Variants in CTNNBL1 observed in about 807,000 individuals in gnomAD.
The protein encoded by CTNNBL1 is beta-catenin-like protein 1.
Under a neutral mutation model 72.7 loss-of-function variants are expected in CTNNBL1, and 31 were observed. The observed-to-expected ratio is 0.43, with a 90% CI of 0.32 to 0.58. The LOEUF is 0.58. Among genes scored for constraint, CTNNBL1 ranks in the 20% least tolerant of loss-of-function variants. The pLI is 0.08. For missense variants in CTNNBL1, 534 were observed against 725.1 expected (o/e 0.74, Z 3.03); for synonymous variants, 240 against 267.3 (o/e 0.90, Z 1.00).
intron 10 of CTNNBL1, among the ~76,000 whole-genome samples, chr20:37,793,562 G>A (rs1011454397): frequency 6.6e-6 from 1 of 152,144 alleles, no homozygotes; most frequent in African/African-American, 2.4e-5. Context: ...CTTTAAGAAG[G>A]TAATTAAGGT....
At chr20:37,850,352 C>G (rs898228051) in intron 13 of CTNNBL1, among the ~76,000 whole-genome samples, 1 of 152,168 alleles carries the variant, frequency 6.6e-6, no homozygotes, top group Non-Finnish European at 1.5e-5. Flanking sequence ...CTCTGCCACA[C>G]GTGATCTTTG....
rs1031500581 is a variant in CTNNBL1 at position 37,867,717 on chromosome 20, GCA to G, written c.1604-4199_1604-4198del. On this transcript the variant is annotated intron_variant, in intron 15 of 15. Transcript: ENST00000361383. ...CATACACATGCACACACGCACACAC[GCA>G]CACACACATGCAGCAGAGAGAACTC... Among the ~76,000 whole-genome samples, 76 of 151,480 alleles carry G rather than the reference GCA, an allele frequency of 5.0e-4. 1 individual carries two copies. Among genetic ancestry groups the G allele is most frequent in the African/African-American group, 1.6e-3 (66 of 41,170 alleles).
intron 15 of CTNNBL1, among the ~76,000 whole-genome samples, chr20:37,862,191 C>T (rs1180623019): frequency 3.3e-5 from 5 of 152,230 alleles, no homozygotes; most frequent in South Asian, 2.1e-4. Context: ...GTGTCAGATT[C>T]GCGTGAATTA....
chr20:37,710,959 T>C (rs2072932092), intron 1 of CTNNBL1, among the ~76,000 whole-genome samples: 1 of 152,206 alleles, frequency 6.6e-6, no homozygotes. Flanking sequence ...CCAGTTTCTT[T>C]AGGCTTGATA....
Position 37,700,623 on chromosome 20 carries a change from G to A in CTNNBL1, c.30+6471G>A, listed in dbSNP as rs546546726. Among the ~76,000 whole-genome samples, 4 of 152,270 alleles carry A rather than the reference G, an allele frequency of 2.6e-5. No homozygotes were observed. The South Asian group carries it at 8.3e-4, about 32-fold the overall frequency. On this transcript the variant is annotated intron_variant, in intron 1 of 15. Coordinates refer to ENST00000361383, the MANE Select transcript of CTNNBL1 (RefSeq NM_030877.5). ...AAATGTACTTTTTTGATGCCTTCAG[G>A]CTTAGACATCTCATCAAGAAGTGTG... is the stretch of plus-strand genomic sequence containing the variant.
intron 5 of CTNNBL1, among the ~76,000 whole-genome samples, chr20:37,760,896 A>G (rs1324257811): frequency 6.6e-6 from 1 of 152,244 alleles, no homozygotes; most frequent in East Asian, 1.9e-4. Context: ...AGTTTAAAAA[A>G]TATTTCAAAA....
intron 11 of CTNNBL1, among the ~76,000 whole-genome samples, chr20:37,826,324 A>G (rs888062192): frequency 7.2e-5 from 11 of 152,262 alleles, no homozygotes; most frequent in African/African-American, 2.4e-4. Context: ...AGAATGGAAT[A>G]CCATGGGAAC....
chr20:37,847,218 C>T (rs546277532), intron 13 of CTNNBL1, among the ~76,000 whole-genome samples: 1 of 152,252 alleles, frequency 6.6e-6, no homozygotes, highest in African/African-American at 2.4e-5. Context: ...AATACTACTT[C>T]GAAGAATCAA....
intron 11 of CTNNBL1, among the ~76,000 whole-genome samples, chr20:37,810,605 T>A (rs1218193633): frequency 1.3e-5 from 2 of 152,176 alleles, no homozygotes; most frequent in African/African-American, 4.8e-5. Context: ...CTATAATAAA[T>A]GTTCATTAGT....
intron 9 of CTNNBL1, 29 bp downstream of exon 9, chr20:37,777,741 T>C: frequency 2.5e-6 from 4 of 1,607,666 alleles, no homozygotes; most frequent in Non-Finnish European, 3.4e-6. Context: ...TCCTGTCTGC[T>C]GTAAGATACA....
intron 3 of CTNNBL1, among the ~76,000 whole-genome samples, chr20:37,741,080 A>C (rs1337697535): frequency 6.6e-6 from 1 of 152,224 alleles, no homozygotes; most frequent in African/African-American, 2.4e-5. Flanking sequence ...GCAAATGCAC[A>C]TGGGCAGCCT....
intron 1 of CTNNBL1, among the ~76,000 whole-genome samples, chr20:37,701,896 C>T (rs911841788): frequency 6.8e-6 from 1 of 147,164 alleles, no homozygotes; most frequent in Non-Finnish European, 1.5e-5. Context: ...ATCGTACGCT[C>T]ATCTCAGCTG....
intron 3 of CTNNBL1, among the ~76,000 whole-genome samples, chr20:37,741,025 G>A (rs889374545): frequency 3.9e-5 from 6 of 152,200 alleles, no homozygotes; most frequent in African/African-American, 1.4e-4. Flanking sequence ...GTCATTTGCT[G>A]ATATTCACCC....
chr20:37,742,190 C>G (rs2073222493), intron 3 of CTNNBL1, among the ~76,000 whole-genome samples: 1 of 152,170 alleles, frequency 6.6e-6, no homozygotes, highest in Non-Finnish European at 1.5e-5. Context: ...CACATCCCTC[C>G]TAAAAGATGG....
chr20:37,747,888 C>T (rs75803946), intron 4 of CTNNBL1, among the ~76,000 whole-genome samples: 2,716 of 152,242 alleles, frequency 0.018, 76 homozygotes, highest in African/African-American at 0.06. Context: ...AAGTGCTGAG[C>T]ACAGTTCTTG....
rs141617183 is a variant in CTNNBL1, at chr20:37,746,517, G to C, written c.376G>C (p.Val126Leu). ...DLNDIIQEMHVVATMPDLYHL... is the reference protein window; with the variant it reads ...DLNDIIQEMHLVATMPDLYHL... ...AAATGACATCATTCAGGAGATGCACGTGGTGGCCACCATGCCAGACCTGTA... is the reference window on the plus strand; with the variant it reads ...AAATGACATCATTCAGGAGATGCACCTGGTGGCCACCATGCCAGACCTGTA... Residue 126 changes from valine (V) to leucine (L), a missense_variant, in exon 4 of 16, where the codon GTG becomes CTG. Val to Leu is a conservative substitution (Grantham distance 32). Coordinates refer to ENST00000361383, the MANE Select transcript of CTNNBL1 (RefSeq NM_030877.5). The C allele has an allele frequency of 8.0e-4, 1,291 of 1,614,086 alleles. 1 individual carries two copies. Among genetic ancestry groups the C allele is most frequent in the Non-Finnish European group, 1.0e-3 (1,216 of 1,179,974 alleles).
At chr20:37,842,269 G>A (rs1482087357) in intron 12 of CTNNBL1, 70 bp from the exon 13 acceptor site, 2 of 1,035,224 alleles carry the variant, frequency 1.9e-6, no homozygotes, top group African/African-American at 1.6e-5. Flanking sequence ...GAGATGAATA[G>A]GAGTGCCACT....
chr20:37,815,280 G>A (rs527742421), intron 11 of CTNNBL1, among the ~76,000 whole-genome samples: 1 of 151,930 alleles, frequency 6.6e-6, no homozygotes, highest in East Asian at 1.9e-4. Context: ...AGTTTGGAGA[G>A]GTGAGCTGGG....
intron 10 of CTNNBL1, among the ~76,000 whole-genome samples, chr20:37,791,236 G>A (rs747701632): frequency 2.0e-5 from 3 of 152,208 alleles, no homozygotes; most frequent in Non-Finnish European, 4.4e-5. Flanking sequence ...TCTTTGGGCA[G>A]ACATTGTAAA....
Sources: gnomAD v4.1 joint callset for allele counts (sites outside exome capture counted in the v4.1 genomes callset) on GRCh38, gnomAD v4.1.1 for gene constraint, MANE v1.5 for transcripts, NCBI Gene and HGNC (gene_info 2026-07-23, HGNC 2026-07-21) for gene names.